The following ZFAND3 variants were observed in gnomAD, a reference collection of about 807,000 sequenced individuals.
ZFAND3 encodes the protein zinc finger AN1-type containing 3, also known as AN1-type zinc finger protein 3.
In ZFAND3, 10 loss-of-function variants were observed where a neutral mutation model predicts 29.6. The ratio of observed to expected loss-of-function variants is 0.34; its 90% CI spans 0.21 to 0.57. The LOEUF (loss-of-function observed/expected upper bound fraction) is 0.57, where lower values mean the gene tolerates loss of function less well. ZFAND3 is among the 20% of genes least tolerant of loss of function. The pLI is 0.86. For synonymous variants in ZFAND3, 128 were observed against 112.6 expected, an observed-to-expected ratio of 1.14 and a Z score of -0.87; for missense variants, 230 against 304.5, an observed-to-expected ratio of 0.76 and a Z score of 1.82.
At chr6:37,913,751 C>T (rs1761175849) in intron 1 of ZFAND3, among the ~76,000 whole-genome samples, 1 of 128,166 alleles carries the variant, frequency 7.8e-6, no homozygotes. Flanking sequence ...GCTCTTGTTG[C>T]CCAGGCTGGA....
At chr6:37,984,297 G>A (rs62396970) in intron 2 of ZFAND3, among the ~76,000 whole-genome samples, 3,092 of 152,258 alleles carry the variant, frequency 0.02, 48 homozygotes, top group Non-Finnish European at 0.033. Flanking sequence ...TGCTGAGAAA[G>A]AAACTAAAAC....
intron 2 of ZFAND3, among the ~76,000 whole-genome samples, chr6:38,041,086 G>T (rs1763750621): frequency 6.6e-6 from 1 of 152,148 alleles, no homozygotes; most frequent in Non-Finnish European, 1.5e-5. Flanking sequence ...ATATTAGTAA[G>T]GGGTATGGGC....
chr6:37,873,785 C>T, intron 1 of ZFAND3, among the ~76,000 whole-genome samples: 1 of 152,196 alleles, frequency 6.6e-6, no homozygotes, highest in East Asian at 1.9e-4. Context: ...CACAAGCTCT[C>T]TGTTGCAGCT....
At chr6:37,834,135 C>G (rs547517488) in intron 1 of ZFAND3, among the ~76,000 whole-genome samples, 1 of 152,102 alleles carries the variant, frequency 6.6e-6, no homozygotes, top group Non-Finnish European at 1.5e-5. Flanking sequence ...ATTTCACTGC[C>G]GTAAAAACCC....
At chr6:38,102,300 C>A (rs922928959) in intron 4 of ZFAND3, among the ~76,000 whole-genome samples, 2 of 152,132 alleles carry the variant, frequency 1.3e-5, no homozygotes, top group African/African-American at 4.8e-5. Flanking sequence ...ACTTAGGCAT[C>A]ATAGGGGTGG....
chr6:37,853,371 G>A (rs1007141340), intron 1 of ZFAND3, among the ~76,000 whole-genome samples: 1 of 134,590 alleles, frequency 7.4e-6, no homozygotes, highest in African/African-American at 2.9e-5. Flanking sequence ...AAGACAAACT[G>A]TCTGCTTTAA....
intron 1 of ZFAND3, among the ~76,000 whole-genome samples, chr6:37,893,971 T>G (rs1581740652): frequency 6.6e-6 from 1 of 152,010 alleles, no homozygotes; most frequent in East Asian, 2.0e-4. Flanking sequence ...ACATTTGTCT[T>G]AGGCTGGGTG....
intron 1 of ZFAND3, among the ~76,000 whole-genome samples, chr6:37,823,868 C>T (rs921515403): frequency 1.3e-5 from 2 of 151,880 alleles, no homozygotes; most frequent in African/African-American, 4.8e-5. Context: ...CTTGGCTCAC[C>T]GCAACCTCTG....
chr6:37,866,718 T>TA (rs1218425460), intron 1 of ZFAND3, among the ~76,000 whole-genome samples: 2 of 152,046 alleles, frequency 1.3e-5, no homozygotes, highest in African/African-American at 4.8e-5. Context: ...TGTAGTGTAT[T>TA]ATCCAGTGAC....
intron 1 of ZFAND3, among the ~76,000 whole-genome samples, chr6:37,828,810 C>T (rs1345501729): frequency 1.3e-5 from 2 of 152,158 alleles, no homozygotes; most frequent in Non-Finnish European, 2.9e-5. Flanking sequence ...GCCACCACAC[C>T]CGGCTAATTT....
chr6:37,979,492 G>A (rs1281537176), intron 2 of ZFAND3, among the ~76,000 whole-genome samples: 2 of 152,190 alleles, frequency 1.3e-5, no homozygotes, highest in African/African-American at 4.8e-5. Context: ...TTTATGGTGT[G>A]TGTGTGTTTA....
chr6:38,031,538 G>C (rs996795413), intron 2 of ZFAND3, among the ~76,000 whole-genome samples: 1 of 151,914 alleles, frequency 6.6e-6, no homozygotes, highest in Admixed American at 6.6e-5. Flanking sequence ...TCTTTCTTTC[G>C]TGCTGGAGGA....
chr6:38,009,479 G>T (rs1303249327), intron 2 of ZFAND3, among the ~76,000 whole-genome samples: 2 of 152,110 alleles, frequency 1.3e-5, no homozygotes, highest in Non-Finnish European at 2.9e-5. Context: ...TCTGAAAATG[G>T]TTATATTGGG....
chr6:38,119,067 G>A (rs1028988581), intron 5 of ZFAND3, among the ~76,000 whole-genome samples: 2 of 152,176 alleles, frequency 1.3e-5, no homozygotes, highest in Non-Finnish European at 2.9e-5. Flanking sequence ...CTTTCCTAGA[G>A]TCAGCTGGGC....
At chr6:37,886,280 A>AAAAAAAAAAAAAAAAC (rs1561922411) in intron 1 of ZFAND3, among the ~76,000 whole-genome samples, 6 of 128,930 alleles carry the variant, frequency 4.7e-5, no homozygotes, top group African/African-American at 1.8e-4. Context: ...AAAAAAAAAA[A>AAAAAAAAAAAAAAAAC]AGTTCAAAGA....
Position 37,865,642 on chromosome 6 carries a change from G to A in ZFAND3, c.71+45626G>A, listed in dbSNP as rs956943621. On this transcript the variant is annotated intron_variant, in intron 1 of 5. Transcript: ENST00000287218. ...TCTGTGACTTTGGGTTGGGGATGTG[G>A]TTTGAACAGTTTGGGTGGACAAAAT... Among the ~76,000 whole-genome samples, 5 of 152,322 alleles carry A rather than the reference G, an allele frequency of 3.3e-5. 1 individual carries two copies. The South Asian group carries it at 1.0e-3, about 32-fold the overall frequency.
intron 2 of ZFAND3, among the ~76,000 whole-genome samples, chr6:37,938,416 T>C (rs1174252791): frequency 6.6e-6 from 1 of 152,228 alleles, no homozygotes; most frequent in Non-Finnish European, 1.5e-5. Context: ...TAATGTGCCC[T>C]AATTTATTTA....
intron 1 of ZFAND3, among the ~76,000 whole-genome samples, chr6:37,874,671 A>T (rs1258905111): frequency 6.6e-6 from 1 of 152,206 alleles, no homozygotes; most frequent in African/African-American, 2.4e-5. Flanking sequence ...TAGGTCTCCA[A>T]CATATCTTGT....
chr6:37,893,142 T>C (rs1765133834), intron 1 of ZFAND3, among the ~76,000 whole-genome samples: 1 of 152,110 alleles, frequency 6.6e-6, no homozygotes, highest in Non-Finnish European at 1.5e-5. Flanking sequence ...AAGTAAAGTA[T>C]CATAATCACA....
Sources: gnomAD v4.1 joint callset for allele counts (sites outside exome capture counted in the v4.1 genomes callset) on GRCh38, gnomAD v4.1.1 for gene constraint, MANE v1.5 for transcripts, NCBI Gene and HGNC (gene_info 2026-07-23, HGNC 2026-07-21) for gene names.